SLC5A10: variants seen among roughly 807,000 people sequenced by gnomAD.
SLC5A10 encodes the protein solute carrier family 5 member 10, also known as sodium/mannose cotransporter SLC5A10.
SLC5A10 carries 55 observed loss-of-function variants against 68.9 expected under a neutral mutation model. That is an observed-to-expected ratio of 0.80 (90% CI 0.64 to 1.00). SLC5A10 has a LOEUF of 1.00. Among genes scored for constraint, SLC5A10 ranks in the 50% least tolerant of loss-of-function variants. The pLI, the probability that SLC5A10 is intolerant of heterozygous loss-of-function variation, is 0.00. For missense variants in SLC5A10, 732 were observed against 819.3 expected (o/e 0.89, Z 1.30); for synonymous variants, 344 against 344.8 (o/e 1.00, Z 0.02).
At chr17:18,987,199 T>C (rs2043292132) in intron 9 of SLC5A10, among the ~76,000 whole-genome samples, 1 of 152,208 alleles carries the variant, frequency 6.6e-6, no homozygotes, top group Non-Finnish European at 1.5e-5. Flanking sequence ...AATTTTGACC[T>C]GTCAGACACT....
Position 18,976,839 on chromosome 17 carries a change from G to A in SLC5A10, c.847-15G>A, listed in dbSNP as rs146394624. On this transcript the variant is annotated splice_polypyrimidine_tract_variant and intron_variant, in intron 8 of 14. Transcript: ENST00000395645. ...CTCAGGCTTGGACTCACCCCGTCTC[G>A]CACTCCACCCCCAGGTCATCGTGCA... 2.1e-5 allele frequency: 34 copies of A among 1,612,202 alleles called. No homozygotes were observed. The highest frequency in any genetic ancestry group is 4.4e-5 in the South Asian group (4 of 91,064).
intron 4 of SLC5A10, among the ~76,000 whole-genome samples, chr17:18,959,956 T>C (rs2042579264): frequency 6.6e-6 from 1 of 152,094 alleles, no homozygotes; most frequent in East Asian, 1.9e-4. Context: ...GCTGGGCACA[T>C]AGGCTGTACA....
chr17:18,995,106 C>T (rs976097612), intron 9 of SLC5A10, among the ~76,000 whole-genome samples: 3 of 151,954 alleles, frequency 2.0e-5, no homozygotes, highest in Non-Finnish European at 4.4e-5. Context: ...CCAACATGCC[C>T]GGTATCCAAT....
chr17:18,957,737 T>C (rs1351729453), intron 1 of SLC5A10, among the ~76,000 whole-genome samples: 2 of 152,242 alleles, frequency 1.3e-5, no homozygotes, highest in African/African-American at 4.8e-5. Context: ...GTGCTGGGAT[T>C]ACAGGCGTGA....
At chr17:18,967,798 G>A (rs1202246030) in intron 5 of SLC5A10, among the ~76,000 whole-genome samples, 1 of 152,110 alleles carries the variant, frequency 6.6e-6, no homozygotes, top group Non-Finnish European at 1.5e-5. Context: ...GATGGGGCAG[G>A]ACTTGAAGAG....
upstream of SLC5A10, chr17:18,952,019 C>G: frequency 1.1e-6 from 1 of 941,944 alleles, no homozygotes; most frequent in Non-Finnish European, 1.5e-6. Flanking sequence ...ATCTGCACCC[C>G]ACCATGGGGT....
intron 9 of SLC5A10, among the ~76,000 whole-genome samples, chr17:18,986,913 G>C (rs899205576): frequency 1.3e-5 from 2 of 152,244 alleles, no homozygotes; most frequent in South Asian, 2.1e-4. Flanking sequence ...TCTGCCACTG[G>C]AATCGATTCC....
chr17:19,015,687 C>G (rs1034712106), intron 11 of SLC5A10, among the ~76,000 whole-genome samples: 1 of 152,198 alleles, frequency 6.6e-6, no homozygotes, highest in Non-Finnish European at 1.5e-5. Flanking sequence ...GCTGATCTTT[C>G]TGGACTCTGC....
chr17:18,958,679 C>T lies in SLC5A10; in HGVS notation c.112-3C>T. The stretch of plus-strand genomic sequence containing the variant: ...AACTCCTGTCCCTTTTCTCCTCTTG[C>T]AGTCCTCTTGTCGGGCCAGTAGGAA... On this transcript the variant is annotated splice_polypyrimidine_tract_variant and splice_region_variant and intron_variant, in intron 1 of 14. Coordinates refer to ENST00000395645, the MANE Select transcript of SLC5A10 (RefSeq NM_001042450.4). The T allele has an allele frequency of 6.2e-7, 1 of 1,614,164 alleles. No individual in the cohort carries two copies. The highest frequency in any genetic ancestry group is 8.5e-7 in the Non-Finnish European group (1 of 1,179,992).
chr17:18,997,071 G>A (rs1251790824), intron 9 of SLC5A10, among the ~76,000 whole-genome samples: 1 of 152,226 alleles, frequency 6.6e-6, no homozygotes, highest in Non-Finnish European at 1.5e-5. Context: ...CCCACCCTCT[G>A]ACTATTAAGG....
chr17:18,968,813 T>C lies in SLC5A10; in HGVS notation c.454-239T>C. The C allele has an allele frequency of 1.9e-6, 1 of 529,788 alleles. No individual in the cohort carries two copies. Among genetic ancestry groups the C allele is most frequent in the Non-Finnish European group, 3.3e-6 (1 of 299,380 alleles). The allele number at this position is 529,788 out of a possible 1,614,324, so 32.8% of individuals were successfully genotyped here. A position where few individuals can be genotyped will look rare whatever the true frequency, so the allele number is the denominator to read the frequency against. On this transcript the variant is annotated intron_variant, in intron 5 of 14. Coordinates refer to ENST00000395645, the MANE Select transcript of SLC5A10 (RefSeq NM_001042450.4). The surrounding 1 kb of genome is among the most constrained non-coding windows in gnomAD (Gnocchi z 4.1). ...CTTTTGGGAAAGGCATTGGCCACTT[T>C]GGACTTTATTAGCAACAGTAATGTC...
chr17:18,970,353 A>G (rs1166805355), intron 7 of SLC5A10: 1 of 153,714 alleles, frequency 6.5e-6, no homozygotes, highest in Non-Finnish European at 1.4e-5. Flanking sequence ...GAGGGGAGTG[A>G]CACAGACACA....
In SLC5A10 at chr17:18,971,240, C is replaced by T; in HGVS notation, c.846+22C>T. On this transcript the variant is annotated intron_variant, in intron 8 of 14. Transcript: ENST00000395645. This position sits in a 1 kb window ranked among gnomAD's most constrained non-coding sequence, Gnocchi z 5.5. ...CCAGGTGAGTGCCAACGTCTCCCGC[C>T]CATCCCACCTTCCTGCCGTCCCAGT... is the stretch of plus-strand genomic sequence containing the variant. 6.2e-7 allele frequency: 1 copy of T among 1,612,876 alleles called. No homozygotes were observed. The highest frequency in any genetic ancestry group is 8.5e-7 in the Non-Finnish European group (1 of 1,179,220).
At chr17:18,954,645 T>C (rs574089992) in intron 1 of SLC5A10, among the ~76,000 whole-genome samples, 4 of 152,018 alleles carry the variant, frequency 2.6e-5, no homozygotes, top group African/African-American at 9.6e-5. Context: ...CCTGGGAGAG[T>C]CTGGCGGGGG....
chr17:18,971,461 C>T lies in SLC5A10; in HGVS notation c.846+243C>T, dbSNP rs2042848981. ...TGGCCTTTAGGTGCTTCGACTGAGA[C>T]AGTTTGGAGTATGGGATTCCGAAGG... On this transcript the variant is annotated intron_variant, in intron 8 of 14. Coordinates refer to ENST00000395645, the MANE Select transcript of SLC5A10 (RefSeq NM_001042450.4). This position sits in a 1 kb window ranked among gnomAD's most constrained non-coding sequence, Gnocchi z 5.5. The T allele has an allele frequency of 6.2e-7, 1 of 1,613,966 alleles. No homozygotes were observed. The highest frequency in any genetic ancestry group is 2.2e-5 in the East Asian group (1 of 44,870).
intron 9 of SLC5A10, among the ~76,000 whole-genome samples, chr17:18,981,775 C>A (rs113214947): frequency 1.3e-5 from 2 of 152,234 alleles, no homozygotes; most frequent in Non-Finnish European, 1.5e-5. Flanking sequence ...GCCGGCCCCC[C>A]ACCCCGCAGG....
rs760877929 is a variant in SLC5A10 at position 19,022,162 on chromosome 17, G to A, written c.*1731G>A. ...CCAGGTGACTGCAAGAAGAGGAGGT[G>A]GTTAGTAGGGTGCCTTCAGAAGCCC... is the stretch of plus-strand genomic sequence containing the variant. On this transcript the variant is annotated 3_prime_UTR_variant, in exon 15 of 15. Coordinates refer to ENST00000395645, the MANE Select transcript of SLC5A10 (RefSeq NM_001042450.4). The A allele has an allele frequency of 8.0e-6, 11 of 1,382,474 alleles. No individual in the cohort carries two copies. The highest frequency in any genetic ancestry group is 4.8e-6 in the Non-Finnish European group (5 of 1,044,104). 85.6% of individuals were successfully genotyped at this position (1,382,474 alleles called of 1,614,324 possible).
intron 9 of SLC5A10, chr17:18,977,242 CT>C: frequency 5.0e-6 from 3 of 600,558 alleles, no homozygotes; most frequent in African/African-American, 1.9e-5. Flanking sequence ...TGTGCCCCGC[CT>C]TTTCCTCATC....
At position 18,971,881 on chromosome 17, in the gene SLC5A10, G is replaced by T; in HGVS notation, c.846+663G>T. The T allele has an allele frequency of 1.1e-6, 1 of 916,578 alleles. No homozygotes were observed. The highest frequency in any genetic ancestry group is 1.6e-6 in the Non-Finnish European group (1 of 625,010). 56.8% of individuals were successfully genotyped at this position (916,578 alleles called of 1,614,324 possible). A position where few individuals can be genotyped will look rare whatever the true frequency, so the allele number is the denominator to read the frequency against. On this transcript the variant is annotated intron_variant, in intron 8 of 14. Transcript: ENST00000395645. This position sits in a 1 kb window ranked among gnomAD's most constrained non-coding sequence, Gnocchi z 5.5. ...TGGCTCTGCCATTCACCAGGGAGTG[G>T]GCCTAGACCAGTTGGTTTAGTCACT...
Sources: gnomAD v4.1 joint callset for allele counts (sites outside exome capture counted in the v4.1 genomes callset) on GRCh38, gnomAD v4.1.1 for gene constraint, Gnocchi (gnomAD v3.1) non-coding constraint, MANE v1.5 for transcripts, NCBI Gene and HGNC (gene_info 2026-07-23, HGNC 2026-07-21) for gene names.